Variants in SYNJ2 observed in about 807,000 individuals in gnomAD.
SYNJ2 encodes synaptojanin 2.
SYNJ2 carries 116 observed loss-of-function variants against 141.3 expected under a neutral mutation model. The ratio of observed to expected loss-of-function variants is 0.82; its 90% confidence interval spans 0.71 to 0.96. The LOEUF is 0.96. SYNJ2 is among the 40% of genes least tolerant of loss of function. SYNJ2 has a pLI of 0.00. For synonymous variants in SYNJ2, 745 were observed against 777.7 expected, an observed-to-expected ratio of 0.96 and a Z score of 0.70; for missense variants, 1,873 against 1,934.8, an observed-to-expected ratio of 0.97 and a Z score of 0.60.
chr6:158,066,936 G>T (rs1263218860), intron 12 of SYNJ2, among the ~76,000 whole-genome samples: 1 of 152,178 alleles, frequency 6.6e-6, no homozygotes, highest in South Asian at 2.1e-4. Context: ...CAGTCGGAAG[G>T]TGTGGCTTCT....
At chr6:158,066,316 G>GCATA in intron 11 of SYNJ2, 128 bp from the exon 12 acceptor site, 1 of 1,055,582 alleles carries the variant, frequency 9.5e-7, no homozygotes, top group East Asian at 2.5e-5. Context: ...TTCGTAAGGA[G>GCATA]CATACCCTGG....
chr6:158,067,239 G>A (rs530097672), intron 12 of SYNJ2, among the ~76,000 whole-genome samples: 1 of 152,128 alleles, frequency 6.6e-6, no homozygotes, highest in Non-Finnish European at 1.5e-5. Context: ...GGCTGGTCTC[G>A]AACTCCTGAC....
Position 158,040,190 on chromosome 6 carries a change from A to G in SYNJ2, c.712-3126A>G, listed in dbSNP as rs1044710639. The stretch of plus-strand genomic sequence containing the variant: ...GTGTGTGTGCATGGGTTGTATGTGT[A>G]CAGTGTGTGCGTGGTATGTGCATTT... On this transcript the variant is annotated intron_variant, in intron 4 of 26. Transcript: ENST00000355585. This position sits in a 1 kb window ranked among gnomAD's most constrained non-coding sequence, Gnocchi z 4.2. Among the ~76,000 whole-genome samples the G allele has an allele frequency of 6.6e-6, 1 of 151,976 alleles. No homozygotes were observed. Among genetic ancestry groups the G allele is most frequent in the South Asian group, 2.1e-4 (1 of 4,818 alleles).
chr6:157,998,852 A>G (rs1777729843), intron 1 of SYNJ2, among the ~76,000 whole-genome samples: 1 of 152,252 alleles, frequency 6.6e-6, no homozygotes, highest in Admixed American at 6.5e-5. Flanking sequence ...ACACACCCAC[A>G]TAGCCAGCAC....
At chr6:158,093,228 G>A (rs989446561) in intron 26 of SYNJ2, 124 bp downstream of exon 26, 3 of 1,057,756 alleles carry the variant, frequency 2.8e-6, no homozygotes, top group Non-Finnish European at 4.1e-6. Context: ...GAGGTCAGGA[G>A]TTCAAGACCA....
intron 11 of SYNJ2, among the ~76,000 whole-genome samples, chr6:158,065,682 G>A (rs1453498234): frequency 1.3e-5 from 2 of 152,216 alleles, no homozygotes; most frequent in Non-Finnish European, 2.9e-5. Flanking sequence ...TGGGTTCACG[G>A]CCCTTTCCAC....
rs1172463627 is a variant in SYNJ2 at position 158,099,040 on chromosome 6, A to G, written c.*2676A>G. 2 of 152,354 alleles carry G rather than the reference A, an allele frequency of 1.3e-5. No individual in the cohort carries two copies. The highest frequency in any genetic ancestry group is 4.1e-4 in the South Asian group (2 of 4,824). 9.4% of individuals were successfully genotyped at this position (152,354 alleles called of 1,614,324 possible). ...TATCAAAGCGTTCACTTTATAATGAAGTCATTTCATTGGGAAGGAAAGCTG... is the reference window on the plus strand; with the variant it reads ...TATCAAAGCGTTCACTTTATAATGAGGTCATTTCATTGGGAAGGAAAGCTG... On this transcript the variant is annotated 3_prime_UTR_variant, in exon 27 of 27. Transcript: ENST00000355585.
intron 1 of SYNJ2, among the ~76,000 whole-genome samples, chr6:157,998,989 G>A (rs1381513408): frequency 6.6e-6 from 1 of 152,128 alleles, no homozygotes; most frequent in African/African-American, 2.4e-5. Flanking sequence ...TAAACGTAGT[G>A]AAAAGACAAG....
At chr6:158,018,591 G>GA (rs1232614561) in intron 2 of SYNJ2, among the ~76,000 whole-genome samples, 1 of 152,222 alleles carries the variant, frequency 6.6e-6, no homozygotes, top group Non-Finnish European at 1.5e-5. Flanking sequence ...CCTGAACTGT[G>GA]ACGATTACAG....
At chr6:158,022,020 C>G (rs143899938) in intron 2 of SYNJ2, among the ~76,000 whole-genome samples, 1,539 of 152,262 alleles carry the variant, frequency 0.01, 14 homozygotes, top group African/African-American at 0.03. Context: ...GCCGCCGCTG[C>G]CTACACCTCC....
chr6:158,017,389 C>A, intron 2 of SYNJ2, 99 bp downstream of exon 2: 1 of 1,240,548 alleles, frequency 8.1e-7, no homozygotes, highest in Non-Finnish European at 1.1e-6. Flanking sequence ...TGTTTGACCG[C>A]TCTTCTCTCT....
Position 158,043,367 on chromosome 6 carries a change from G to A in SYNJ2, c.763G>A (p.Val255Ile), listed in dbSNP as rs142082418. ...ATCTTTTGTCCAGATCAGAGGCTCC[G>A]TTCCGCTGTTCTGGGAACAGCCAGG... ...VSSFVQIRGSVPLFWEQPGLQ... is the reference protein window; with the variant it reads ...VSSFVQIRGSIPLFWEQPGLQ... The change falls in exon 5 of 27, where the codon GTT becomes ATT. Residue 255 changes from valine to isoleucine, a missense_variant. Coordinates refer to ENST00000355585, the MANE Select transcript of SYNJ2 (RefSeq NM_003898.4). This position sits in a 1 kb window ranked among gnomAD's most constrained non-coding sequence, Gnocchi z 4.0. 421 of 1,614,116 alleles carry A rather than the reference G, an allele frequency of 2.6e-4. No homozygotes were observed. Among genetic ancestry groups the A allele is most frequent in the Middle Eastern group, 4.9e-4 (3 of 6,062 alleles).
At chr6:158,089,992 C>G (rs1783333740) in intron 25 of SYNJ2, 45 bp downstream of exon 25, 3 of 1,344,598 alleles carry the variant, frequency 2.2e-6, no homozygotes, top group African/African-American at 2.9e-5. Context: ...TTCTCCTTTT[C>G]TTTTTATCTC....
At chr6:157,988,199 G>A (rs1187606440) in intron 1 of SYNJ2, among the ~76,000 whole-genome samples, 2 of 152,362 alleles carry the variant, frequency 1.3e-5, no homozygotes, top group African/African-American at 4.8e-5. Context: ...TGTTACAGGT[G>A]GAACGGGACA....
chr6:158,033,353 T>C (rs1352403534), intron 3 of SYNJ2, 102 bp from the exon 4 acceptor site: 4 of 1,285,342 alleles, frequency 3.1e-6, no homozygotes, highest in Non-Finnish European at 4.3e-6. Flanking sequence ...CCCGAAATGC[T>C]GCACCGTGCG....
At chr6:158,073,247 G>A (rs937599107) in intron 15 of SYNJ2, among the ~76,000 whole-genome samples, 2 of 152,026 alleles carry the variant, frequency 1.3e-5, no homozygotes, top group African/African-American at 2.4e-5. Context: ...ACCCAGGCTG[G>A]AGTGCAGTGA....
chr6:158,068,951 T>A (rs941506519), intron 13 of SYNJ2, among the ~76,000 whole-genome samples: 1 of 152,152 alleles, frequency 6.6e-6, no homozygotes, highest in South Asian at 2.1e-4. Flanking sequence ...GGCTGATGAT[T>A]GCTGTGTTTT....
intron 1 of SYNJ2, among the ~76,000 whole-genome samples, chr6:157,985,530 A>G (rs972352426): frequency 1.3e-5 from 2 of 152,232 alleles, no homozygotes; most frequent in African/African-American, 4.8e-5. Flanking sequence ...AGCCGGTACC[A>G]GCATCCCTGG....
intron 1 of SYNJ2, among the ~76,000 whole-genome samples, chr6:157,992,538 C>T (rs1777488273): frequency 6.6e-6 from 1 of 150,766 alleles, no homozygotes; most frequent in Non-Finnish European, 1.5e-5. Flanking sequence ...GCTGGGATTA[C>T]AGGCACCCAC....
Sources: gnomAD v4.1 joint callset for allele counts (sites outside exome capture counted in the v4.1 genomes callset) on GRCh38, gnomAD v4.1.1 for gene constraint, Gnocchi (gnomAD v3.1) non-coding constraint, MANE v1.5 for transcripts, NCBI Gene and HGNC (gene_info 2026-07-23, HGNC 2026-07-21) for gene names.